Variants in HYCC1 observed in about 807,000 individuals in gnomAD.
HYCC1 encodes hyccin.
the HYCC1 span, chr7:22,976,415 T>C: frequency 1.3e-6 from 1 of 792,226 alleles, no homozygotes; most frequent in East Asian, 2.6e-5. Flanking sequence ...AGAACAGACC[T>C]GCACAGTATA....
the HYCC1 span, among the ~76,000 whole-genome samples, chr7:22,971,471 T>C: frequency 6.6e-6 from 1 of 151,220 alleles, no homozygotes; most frequent in Non-Finnish European, 1.5e-5. Context: ...GCTCAGGAGT[T>C]TGAGACCCGC....
chr7:22,928,904 C>G, the HYCC1 span, among the ~76,000 whole-genome samples: 1 of 152,112 alleles, frequency 6.6e-6, no homozygotes, highest in South Asian at 2.1e-4. Context: ...GCCAAAAGAA[C>G]AAAGCTGGAG....
chr7:22,975,379 T>C, the HYCC1 span, among the ~76,000 whole-genome samples: 1 of 152,202 alleles, frequency 6.6e-6, no homozygotes. Flanking sequence ...ATACCATACA[T>C]ACTATCATTA....
chr7:22,932,743 G>T, the HYCC1 span, among the ~76,000 whole-genome samples: 1 of 152,156 alleles, frequency 6.6e-6, no homozygotes, highest in Non-Finnish European at 1.5e-5. Context: ...TTGCATGTGG[G>T]ATGAATGTGA....
At chr7:22,992,324 G>A in the HYCC1 span, among the ~76,000 whole-genome samples, 1 of 151,750 alleles carries the variant, frequency 6.6e-6, no homozygotes, top group African/African-American at 2.4e-5. Context: ...AGATTACTTG[G>A]GTAATACGCA....
chr7:22,971,772 G>T, the HYCC1 span, among the ~76,000 whole-genome samples: 177 of 151,654 alleles, frequency 1.2e-3, no homozygotes, highest in African/African-American at 4.1e-3. Flanking sequence ...GAAAGTGGAA[G>T]AATTGCCTGA....
chr7:22,916,036 A>G, the HYCC1 span, among the ~76,000 whole-genome samples: 1 of 152,078 alleles, frequency 6.6e-6, no homozygotes, highest in East Asian at 1.9e-4. Context: ...CTGGTGACCA[A>G]TCATGCACCC....
chr7:22,964,322 T>C, the HYCC1 span: 3 of 777,644 alleles, frequency 3.9e-6, no homozygotes, highest in African/African-American at 3.5e-5. Context: ...AAATCACTTA[T>C]CTATTGACAT....
the HYCC1 span, among the ~76,000 whole-genome samples, chr7:23,009,984 T>C: frequency 2.0e-4 from 30 of 152,274 alleles, no homozygotes; most frequent in South Asian, 2.1e-4. Context: ...GCTAATTCCA[T>C]CTGCTCCCCT....
the HYCC1 span, among the ~76,000 whole-genome samples, chr7:22,967,940 C>A: frequency 2.0e-5 from 3 of 152,114 alleles, no homozygotes; most frequent in Non-Finnish European, 4.4e-5. Context: ...CCATCCCTAT[C>A]TTCTATTAAA....
chr7:22,972,105 T>G, the HYCC1 span, among the ~76,000 whole-genome samples: 1 of 152,226 alleles, frequency 6.6e-6, no homozygotes, highest in Non-Finnish European at 1.5e-5. Flanking sequence ...CAATGACTTA[T>G]GTGCATCCAT....
chr7:22,961,186 T>C, the HYCC1 span: 10 of 1,229,754 alleles, frequency 8.1e-6, no homozygotes, highest in Admixed American at 3.4e-5. Flanking sequence ...TAGTTCTAAA[T>C]TGAGAAATCT....
At chr7:23,011,016 G>A in the HYCC1 span, among the ~76,000 whole-genome samples, 1 of 152,146 alleles carries the variant, frequency 6.6e-6, no homozygotes, top group East Asian at 1.9e-4. Context: ...GACAAATTCA[G>A]TGGTCACTGG....
chr7:22,907,104 C>CAAAAAAAAA, the HYCC1 span, among the ~76,000 whole-genome samples: 60 of 43,548 alleles, frequency 1.4e-3, 5 homozygotes, highest in African/African-American at 4.0e-3. Context: ...GACTCTATCT[C>CAAAAAAAAA]AAAAAAAAAA....
the HYCC1 span, among the ~76,000 whole-genome samples, chr7:22,901,413 T>C: frequency 1.3e-5 from 2 of 152,030 alleles, no homozygotes; most frequent in Non-Finnish European, 2.9e-5. Context: ...TAAATGTAAC[T>C]GGTGTAAACA....
At chr7:22,955,111 T>G in the HYCC1 span, among the ~76,000 whole-genome samples, 4 of 151,712 alleles carry the variant, frequency 2.6e-5, no homozygotes, top group Admixed American at 6.6e-5. Flanking sequence ...ACAAAAAATC[T>G]TTAAAGTAAT....
At chr7:22,911,448 T>C in the HYCC1 span, among the ~76,000 whole-genome samples, 3 of 152,198 alleles carry the variant, frequency 2.0e-5, no homozygotes, top group East Asian at 5.8e-4. Flanking sequence ...AAATAATTTA[T>C]TGTTCTCATA....
chr7:22,907,561 T>C, the HYCC1 span, among the ~76,000 whole-genome samples: 1 of 152,108 alleles, frequency 6.6e-6, no homozygotes, highest in East Asian at 1.9e-4. Context: ...CATAAGGAAG[T>C]GTGCAAAATA....
chr7:22,979,254 T>G, the HYCC1 span, among the ~76,000 whole-genome samples: 2 of 152,222 alleles, frequency 1.3e-5, no homozygotes. Context: ...CTGAATATAA[T>G]TAAAGTCAAT....
Sources: allele counts gnomAD v4.1 joint callset (sites outside exome capture counted in the v4.1 genomes callset), GRCh38; gene constraint gnomAD v4.1.1; transcripts MANE v1.5; gene names NCBI Gene and HGNC (gene_info 2026-07-23, HGNC 2026-07-21).